The following TC2N variants were observed in gnomAD, a reference collection of about 807,000 sequenced individuals.
The protein encoded by TC2N is tandem C2 domains nuclear protein.
In TC2N, 51 loss-of-function variants were observed where a neutral mutation model predicts 61.9. That is an observed-to-expected ratio of 0.82 (90% CI 0.66 to 1.04). The LOEUF (loss-of-function observed/expected upper bound fraction) is 1.04, where lower values mean the gene tolerates loss of function less well. TC2N is among the 50% of genes least tolerant of loss of function. TC2N has a pLI of 0.00. For missense variants in TC2N, 556 were observed against 566.7 expected, an observed-to-expected ratio of 0.98 and a Z score of 0.19; for synonymous variants, 204 against 192.6, an observed-to-expected ratio of 1.06 and a Z score of -0.49.
chr14:91,826,292 C>A (rs1426632802), intron 1 of TC2N, among the ~76,000 whole-genome samples: 1 of 146,632 alleles, frequency 6.8e-6, no homozygotes, highest in Non-Finnish European at 1.5e-5. Flanking sequence ...TGCACTACAG[C>A]CTGGGTGACA....
At chr14:91,809,978 T>C (rs1339947956) in intron 3 of TC2N, among the ~76,000 whole-genome samples, 2 of 152,106 alleles carry the variant, frequency 1.3e-5, no homozygotes, top group East Asian at 3.9e-4. Context: ...TATCTGAGGA[T>C]GGGTAATTTA....
intron 1 of TC2N, among the ~76,000 whole-genome samples, chr14:91,825,644 T>C (rs1018105980): frequency 1.3e-5 from 2 of 152,188 alleles, no homozygotes; most frequent in Non-Finnish European, 2.9e-5. Context: ...CATTCTCTTT[T>C]TTACTTTTGC....
intron 1 of TC2N, among the ~76,000 whole-genome samples, chr14:91,825,240 G>T (rs1887446525): frequency 6.6e-6 from 1 of 151,734 alleles, no homozygotes; most frequent in South Asian, 2.1e-4. Context: ...CACCATCTTG[G>T]CCAGGTTGGT....
intron 1 of TC2N, among the ~76,000 whole-genome samples, chr14:91,850,715 G>C (rs762712237): frequency 1.2e-4 from 19 of 152,208 alleles, no homozygotes; most frequent in Non-Finnish European, 2.8e-4. Context: ...GGCAGATCAT[G>C]AGGTCAGGAG....
intron 1 of TC2N, among the ~76,000 whole-genome samples, chr14:91,840,457 A>G (rs981872233): frequency 6.6e-6 from 1 of 152,364 alleles, no homozygotes; most frequent in East Asian, 1.9e-4. Context: ...AAAAATCTTT[A>G]TGGATACATA....
At chr14:91,822,928 G>T (rs1887322241) in intron 1 of TC2N, among the ~76,000 whole-genome samples, 1 of 151,664 alleles carries the variant, frequency 6.6e-6, no homozygotes, top group African/African-American at 2.4e-5. Context: ...TGTTAGCCAG[G>T]ATGGTCTCGA....
At chr14:91,844,354 G>T (rs1279173198) in intron 1 of TC2N, among the ~76,000 whole-genome samples, 2 of 152,136 alleles carry the variant, frequency 1.3e-5, no homozygotes, top group Non-Finnish European at 2.9e-5. Flanking sequence ...AGGAAACGGG[G>T]GAGGAAGAGC....
chr14:91,805,638 T>C (rs913562799), intron 3 of TC2N, among the ~76,000 whole-genome samples: 2 of 152,086 alleles, frequency 1.3e-5, no homozygotes, highest in Non-Finnish European at 2.9e-5. Flanking sequence ...GCACTCCAGC[T>C]TGGTGACAGA....
At chr14:91,795,284 G>A (rs1349415136) in intron 8 of TC2N, among the ~76,000 whole-genome samples, 1 of 152,174 alleles carries the variant, frequency 6.6e-6, no homozygotes. Flanking sequence ...AAACTTAGCT[G>A]AAAAGCAACA....
chr14:91,822,550 A>C (rs1444282207), intron 1 of TC2N, among the ~76,000 whole-genome samples: 1 of 152,094 alleles, frequency 6.6e-6, no homozygotes, highest in Non-Finnish European at 1.5e-5. Context: ...GATTCAATTT[A>C]TATAAAATTG....
rs752322015 is a variant in TC2N at position 91,800,356 on chromosome 14, C to G, written c.486G>C (p.Thr162=). The G allele has an allele frequency of 1.9e-6, 3 of 1,598,756 alleles. No individual in the cohort carries two copies. Among genetic ancestry groups the G allele is most frequent in the East Asian group, 2.3e-5 (1 of 44,116 alleles). ...GCCCAGGGGAACCGGGAAGTTTGTTCGTCCTTAAATCACAAACTACAAAGG... is the reference window on the plus strand; with the variant it reads ...GCCCAGGGGAACCGGGAAGTTTGTTGGTCCTTAAATCACAAACTACAAAGG... ...RLYGSVCDLR[T]NKLPGSPGLS... is the part of the protein sequence containing the mutation. Residue 162 remains threonine (T), a synonymous_variant, in exon 5 of 12, where the codon ACG becomes ACC. Transcript: ENST00000435962.
chr14:91,858,246 C>A (rs571698389), intron 1 of TC2N, among the ~76,000 whole-genome samples: 2 of 150,830 alleles, frequency 1.3e-5, no homozygotes, highest in South Asian at 4.2e-4. Context: ...CCTGCCTCAG[C>A]CTCCCAAAGT....
chr14:91,845,927 G>A (rs1253514966), intron 1 of TC2N, among the ~76,000 whole-genome samples: 2 of 152,222 alleles, frequency 1.3e-5, no homozygotes, highest in Non-Finnish European at 2.9e-5. Context: ...TTCTGGGAGA[G>A]GAATCTGATT....
chr14:91,846,277 C>A lies in TC2N; in HGVS notation c.-57+20985G>T, dbSNP rs563063009. ...GGGGTTCTATCTGCAATGGCCTTAT[C>A]AGAGTGCTAAAAACACAGTGGACAC... On this transcript the variant is annotated intron_variant, in intron 1 of 11. Transcript: ENST00000435962. Among the ~76,000 whole-genome samples, 69 of 152,252 alleles carry A rather than the reference C, an allele frequency of 4.5e-4. 1 individual carries two copies. Among genetic ancestry groups the A allele is most frequent in the Non-Finnish European group, 4.3e-4 (29 of 68,014 alleles).
In TC2N at chr14:91,837,104, C is replaced by T. The variant is rs545462301; in HGVS notation, c.-56-23279G>A. 6.6e-6 allele frequency among the ~76,000 whole-genome samples: 1 copy of T among 152,354 alleles called. No individual in the cohort carries two copies. The highest frequency in any genetic ancestry group is 6.5e-5 in the Admixed American group (1 of 15,308). Reference sequence around the variant, plus strand: ...ACACCCCCGATTCTATGAGGGATCCCCTCTAACCCTGGTAAAGCGGGGGGC... The same window carrying T: ...ACACCCCCGATTCTATGAGGGATCCTCTCTAACCCTGGTAAAGCGGGGGGC... On this transcript the variant is annotated intron_variant, in intron 1 of 11. Coordinates refer to ENST00000435962, the MANE Select transcript of TC2N (RefSeq NM_001128596.3). The surrounding 1 kb of genome is among the most constrained non-coding windows in gnomAD (Gnocchi z 4.2).
chr14:91,839,827 T>TA (rs1888131211), intron 1 of TC2N, among the ~76,000 whole-genome samples: 1 of 152,192 alleles, frequency 6.6e-6, no homozygotes, highest in Non-Finnish European at 1.5e-5. Context: ...ACAGGTGCAG[T>TA]ACTAGGCACT....
intron 1 of TC2N, among the ~76,000 whole-genome samples, chr14:91,823,310 C>T (rs1009347368): frequency 5.9e-5 from 9 of 151,686 alleles, no homozygotes; most frequent in East Asian, 4.0e-4. Context: ...CACCTAAGGT[C>T]GGGAGTTCGA....
chr14:91,841,434 G>C (rs1034725348), intron 1 of TC2N, among the ~76,000 whole-genome samples: 2 of 152,166 alleles, frequency 1.3e-5, no homozygotes, highest in African/African-American at 4.8e-5. Context: ...AAGAATTGAG[G>C]CAAGATTTGG....
At chr14:91,838,680 C>G (rs1221356006) in intron 1 of TC2N, among the ~76,000 whole-genome samples, 1 of 152,220 alleles carries the variant, frequency 6.6e-6, no homozygotes, top group Non-Finnish European at 1.5e-5. Flanking sequence ...CTTTAACAAA[C>G]TCTTCACTGA....
Sources: allele counts gnomAD v4.1 joint callset (sites outside exome capture counted in the v4.1 genomes callset), GRCh38; gene constraint gnomAD v4.1.1; non-coding constraint Gnocchi (gnomAD v3.1); transcripts MANE v1.5; gene names NCBI Gene and HGNC (gene_info 2026-07-23, HGNC 2026-07-21).